The following KCNC2 variants were observed in gnomAD, a reference collection of about 807,000 sequenced individuals.
The protein encoded by KCNC2 is voltage-gated potassium channel KCNC2.
A neutral mutation model predicts 44.5 loss-of-function variants in KCNC2; 21 were observed. That is an observed-to-expected ratio of 0.47 (90% confidence interval 0.33 to 0.68). The LOEUF (loss-of-function observed/expected upper bound fraction) is 0.68. Ranked by LOEUF, KCNC2 falls within the 30% of genes least tolerant of loss-of-function variation. KCNC2 has a pLI of 0.01. For missense variants in KCNC2, 589 were observed against 826.2 expected, an observed-to-expected ratio of 0.71 and a Z score of 3.52; for synonymous variants, 391 against 339.1, an observed-to-expected ratio of 1.15 and a Z score of -1.68.
intron 2 of KCNC2, among the ~76,000 whole-genome samples, chr12:75,062,546 TA>T (rs2136996548): frequency 6.6e-6 from 1 of 152,236 alleles, no homozygotes; most frequent in Non-Finnish European, 1.5e-5. Context: ...ATGTGTTTAT[TA>T]TTTGAATAAA....
At chr12:75,176,617 C>G (rs1892201679) in intron 2 of KCNC2, among the ~76,000 whole-genome samples, 1 of 152,028 alleles carries the variant, frequency 6.6e-6, no homozygotes, top group African/African-American at 2.4e-5. Context: ...TGAAAATTCT[C>G]TACCCCTAGT....
At chr12:75,092,375 T>C (rs1885559930) in intron 2 of KCNC2, among the ~76,000 whole-genome samples, 1 of 151,718 alleles carries the variant, frequency 6.6e-6, no homozygotes, top group Admixed American at 6.6e-5. Flanking sequence ...TCAAATTTTC[T>C]TGACAAAGTT....
rs1244859399 is a variant in KCNC2 at position 75,044,129 on chromosome 12, AT to A, written c.1781-889del. 2.0e-5 allele frequency among the ~76,000 whole-genome samples: 3 copies of A among 151,988 alleles called. No individual in the cohort carries two copies. In the East Asian group the frequency reaches 5.8e-4, roughly 29 times the overall value. The stretch of plus-strand genomic sequence containing the variant: ...TTTGGAAATATTTGCATATTTTAGT[AT>A]TTTTTATTACAAAATATTACAGACA... On this transcript the variant is annotated intron_variant, in intron 4 of 4. Coordinates refer to ENST00000549446, the MANE Select transcript of KCNC2 (RefSeq NM_139137.4).
At chr12:75,100,722 C>A (rs1246432025) in intron 2 of KCNC2, among the ~76,000 whole-genome samples, 1 of 151,958 alleles carries the variant, frequency 6.6e-6, no homozygotes, top group African/African-American at 2.4e-5. Context: ...GAAGAGTAAA[C>A]TCATCCTGTA....
chr12:75,051,140 A>G lies in KCNC2; in HGVS notation c.865T>C (p.Cys289Arg). 6.2e-7 allele frequency: 1 copy of G among 1,613,872 alleles called. No homozygotes were observed. Among genetic ancestry groups the G allele is most frequent in the African/African-American group, 1.3e-5 (1 of 75,026 alleles). Reference protein sequence around the residue: ...DPALTYVEGVCVVWFTFEFLV... With the variant: ...DPALTYVEGVRVVWFTFEFLV... The stretch of plus-strand genomic sequence containing the variant: ...AATTCAAAAGTAAACCACACCACAC[A>G]CACTCCTTCTACATACGTCAAGGCA... The change falls in exon 3 of 5, where the codon TGT becomes CGT. Residue 289 changes from cysteine to arginine, a missense_variant. Around this residue, in one of 7 missense-constraint regions of KCNC2, gnomAD observed 40 missense variants for 40.6 expected, o/e 0.99. Coordinates refer to ENST00000549446, the MANE Select transcript of KCNC2 (RefSeq NM_139137.4).
rs145581437 is a variant in KCNC2 at position 75,187,853 on chromosome 12, G to C, written c.687+19444C>G. 1.2e-4 allele frequency among the ~76,000 whole-genome samples: 19 copies of C among 152,246 alleles called. No individual in the cohort carries two copies. In the East Asian group the frequency reaches 3.7e-3, roughly 29 times the overall value. ...TAACAAAAAGATGGATTTCTATACA[G>C]CACATAAGTAGTTACTGAGTTTTCC... On this transcript the variant is annotated intron_variant, in intron 2 of 4. Transcript: ENST00000549446.
At chr12:75,179,135 A>G (rs1184816934) in intron 2 of KCNC2, among the ~76,000 whole-genome samples, 2 of 152,066 alleles carry the variant, frequency 1.3e-5, no homozygotes, top group African/African-American at 2.4e-5. Flanking sequence ...TTCCAAAAAT[A>G]TTTGATACAT....
chr12:75,148,757 A>G (rs1056181768), intron 2 of KCNC2, among the ~76,000 whole-genome samples: 1 of 151,914 alleles, frequency 6.6e-6, no homozygotes, highest in Non-Finnish European at 1.5e-5. Flanking sequence ...AAGAACATTG[A>G]AACTTTTTTG....
intron 2 of KCNC2, among the ~76,000 whole-genome samples, chr12:75,060,267 T>C (rs909662130): frequency 2.6e-5 from 4 of 152,038 alleles, no homozygotes; most frequent in African/African-American, 9.7e-5. Flanking sequence ...TCTCAGACTC[T>C]AAATACCTCT....
chr12:75,102,438 G>T (rs1267207864), intron 2 of KCNC2, among the ~76,000 whole-genome samples: 1 of 151,946 alleles, frequency 6.6e-6, no homozygotes, highest in Non-Finnish European at 1.5e-5. Context: ...TTTTGGAGAG[G>T]CTCAGTAGCA....
At chr12:75,146,115 C>T (rs1045484403) in intron 2 of KCNC2, among the ~76,000 whole-genome samples, 16 of 151,996 alleles carry the variant, frequency 1.1e-4, no homozygotes, top group Admixed American at 2.6e-4. Flanking sequence ...CCACCACGCC[C>T]GGCTAATATT....
chr12:75,134,793 T>C (rs187168066), intron 2 of KCNC2, among the ~76,000 whole-genome samples: 23 of 152,078 alleles, frequency 1.5e-4, no homozygotes, highest in African/African-American at 5.3e-4. Flanking sequence ...TTCAGCCTAA[T>C]ATAAAATACA....
At chr12:75,204,290 G>A (rs2031514484) in intron 2 of KCNC2, among the ~76,000 whole-genome samples, 1 of 151,922 alleles carries the variant, frequency 6.6e-6, no homozygotes, top group African/African-American at 2.4e-5. Flanking sequence ...AAATCACAGA[G>A]GAGAGGGACA....
At chr12:75,161,569 C>A (rs1891128048) in intron 2 of KCNC2, among the ~76,000 whole-genome samples, 1 of 151,692 alleles carries the variant, frequency 6.6e-6, no homozygotes, top group South Asian at 2.1e-4. Flanking sequence ...TTATTGCCAT[C>A]TTCTCCTCTA....
intron 2 of KCNC2, among the ~76,000 whole-genome samples, chr12:75,061,137 T>C (rs1882277637): frequency 1.3e-5 from 2 of 152,150 alleles, no homozygotes; most frequent in South Asian, 4.1e-4. Context: ...GTTAATGGCA[T>C]TGATTTGGTG....
At chr12:75,205,807 T>C (rs779255327) in intron 2 of KCNC2, among the ~76,000 whole-genome samples, 1 of 148,912 alleles carries the variant, frequency 6.7e-6, no homozygotes, top group Non-Finnish European at 1.5e-5. Context: ...TTTAAATGAA[T>C]ATGCACTTGC....
chr12:75,151,126 C>T (rs953640641), intron 2 of KCNC2, among the ~76,000 whole-genome samples: 27 of 151,948 alleles, frequency 1.8e-4, no homozygotes, highest in Admixed American at 1.1e-3. Context: ...TCACCAAAGC[C>T]CAAAGCCTTC....
At chr12:75,126,789 C>A (rs535449607) in intron 2 of KCNC2, among the ~76,000 whole-genome samples, 8 of 152,104 alleles carry the variant, frequency 5.3e-5, no homozygotes, top group South Asian at 4.1e-4. Flanking sequence ...ATTTGTTATA[C>A]AAATATTATT....
intron 2 of KCNC2, among the ~76,000 whole-genome samples, chr12:75,148,116 A>T (rs1248710406): frequency 6.6e-6 from 1 of 152,112 alleles, no homozygotes; most frequent in African/African-American, 2.4e-5. Context: ...CCTACAATGT[A>T]TACATATATC....
Sources: allele counts gnomAD v4.1 joint callset (sites outside exome capture counted in the v4.1 genomes callset), GRCh38; gene constraint gnomAD v4.1.1; regional missense constraint gnomAD v4.1.1; transcripts MANE v1.5; gene names NCBI Gene and HGNC (gene_info 2026-07-23, HGNC 2026-07-21).